The following ZNF451 variants were observed in gnomAD, a reference collection of about 807,000 sequenced individuals.
ZNF451 encodes the protein zinc finger protein 451.
ZNF451 carries 80 observed loss-of-function variants against 107.1 expected under a neutral mutation model. The observed-to-expected ratio is 0.75, with a 90% CI of 0.62 to 0.90. The LOEUF (loss-of-function observed/expected upper bound fraction) is 0.90, where lower values mean the gene tolerates loss of function less well. Among genes scored for constraint, ZNF451 ranks in the 40% least tolerant of loss-of-function variants. The pLI, the probability that ZNF451 is intolerant of heterozygous loss-of-function variation, is 0.00. For missense variants in ZNF451, 1,107 were observed against 1,236.2 expected (o/e 0.90, Z 1.57); for synonymous variants, 362 against 406.5 (o/e 0.89, Z 1.32).
chr6:57,103,083 C>T (rs1197465555), intron 3 of ZNF451: 16 of 985,280 alleles, frequency 1.6e-5, no homozygotes, highest in Non-Finnish European at 1.8e-5. Context: ...AAAAGATACG[C>T]ACATCAGTGC....
chr6:57,153,395 T>G (rs531081982), intron 12 of ZNF451, among the ~76,000 whole-genome samples: 2 of 151,910 alleles, frequency 1.3e-5, no homozygotes, highest in East Asian at 1.9e-4. Context: ...GAACGAGTTC[T>G]TTCTTTCTCT....
At chr6:57,110,305 A>C (rs1484625082) in intron 3 of ZNF451, among the ~76,000 whole-genome samples, 1 of 152,246 alleles carries the variant, frequency 6.6e-6, no homozygotes, top group Non-Finnish European at 1.5e-5. Context: ...GTTCCTACAT[A>C]TTCAAAGTGT....
rs1764020845 is a variant in ZNF451, at chr6:57,168,962, T to C, written c.*493T>C. 6.6e-6 allele frequency: 1 copy of C among 152,632 alleles called. No individual in the cohort carries two copies. Among genetic ancestry groups the C allele is most frequent in the Non-Finnish European group, 1.5e-5 (1 of 68,330 alleles). 9.5% of individuals were successfully genotyped at this position (152,632 alleles called of 1,614,324 possible). A position where few individuals can be genotyped will look rare whatever the true frequency, so the allele number is the denominator to read the frequency against. ...CCTTTGAGATCTTTGTTTATGTTTA[T>C]TAGAAGAGGGTAATGGAAACTGATC... On this transcript the variant is annotated 3_prime_UTR_variant, in exon 15 of 15. Transcript: ENST00000370706.
intron 3 of ZNF451, chr6:57,103,663 G>C (rs773546766): frequency 3.5e-5 from 34 of 985,212 alleles, no homozygotes; most frequent in Non-Finnish European, 3.9e-5. Flanking sequence ...TTTATTGACA[G>C]ACTTAATTCT....
intron 5 of ZNF451, among the ~76,000 whole-genome samples, chr6:57,132,436 C>T (rs1347269663): frequency 2.6e-5 from 4 of 152,122 alleles, no homozygotes; most frequent in Admixed American, 2.6e-4. Context: ...AGGAAAAGAT[C>T]TGGCTGGGCA....
chr6:57,100,458 A>G (rs1309659596), intron 3 of ZNF451: 2 of 985,972 alleles, frequency 2.0e-6, no homozygotes, highest in Non-Finnish European at 2.8e-6. Flanking sequence ...GCTGACCTTG[A>G]GTGGATTGTA....
rs551626977 is a variant in ZNF451 at position 57,132,064 on chromosome 6, G to T, written c.425-978G>T. On this transcript the variant is annotated intron_variant, in intron 5 of 14. Transcript: ENST00000370706. ...CAGGATAAAGGAGGATTAATTAAGA[G>T]AAAAAAATTGTGGACAAACTGTTTC... Among the ~76,000 whole-genome samples the T allele has an allele frequency of 2.0e-5, 3 of 152,126 alleles. No homozygotes were observed. In the South Asian group the frequency reaches 6.2e-4, roughly 32 times the overall value.
chr6:57,148,345 C>T lies in ZNF451; in HGVS notation c.2260C>T (p.Arg754Cys), dbSNP rs575508843. The change falls in exon 10 of 15, where the codon CGC (arginine) becomes TGC (cysteine). Residue 754 changes from arginine to cysteine, a missense_variant. This residue lies in a region of ZNF451 where 608 missense variants were observed against 649.2 expected (regional missense o/e 0.94). Transcript: ENST00000370706. ...GCTGGATAAAGGAAAACTGTGGTTT[C>T]GCTGCAGTTTATGTTCGGCAACAGC... is the stretch of plus-strand genomic sequence containing the variant. ...IMLDKGKLWFRCSLCSATAQN... is the reference protein window; with the variant it reads ...IMLDKGKLWFCCSLCSATAQN... 77 of 1,613,926 alleles carry T rather than the reference C, an allele frequency of 4.8e-5. 1 individual carries two copies. In the South Asian group the frequency reaches 5.7e-4, roughly 12 times the overall value.
intron 3 of ZNF451, chr6:57,106,282 A>C: frequency 1.4e-6 from 1 of 700,768 alleles, no homozygotes; most frequent in Non-Finnish European, 1.8e-6. Context: ...TTGTAGAAGT[A>C]GTTTAAAGAT....
At chr6:57,102,597 A>G (rs1358509333) in intron 3 of ZNF451, 1 of 986,542 alleles carries the variant, frequency 1.0e-6, no homozygotes, top group Non-Finnish European at 1.2e-6. Flanking sequence ...ACATCTGTTA[A>G]AATGTCTTTA....
intron 13 of ZNF451, among the ~76,000 whole-genome samples, chr6:57,157,444 G>T (rs886949213): frequency 2.0e-5 from 3 of 152,090 alleles, no homozygotes; most frequent in Admixed American, 6.6e-5. Flanking sequence ...CATTGTTTTA[G>T]CATGGTGGGG....
rs374553546 is a variant in ZNF451 at position 57,150,788 on chromosome 6, T to C, written c.2678T>C (p.Phe893Ser). 7 of 1,614,066 alleles carry C rather than the reference T, an allele frequency of 4.3e-6. No homozygotes were observed. In the East Asian group the frequency reaches 6.7e-5, roughly 15 times the overall value. ...ATGACTCATATAGTCTTTGTAGATTTTGATAACTGGTCAAACTTTTTTGGT... is the reference window on the plus strand; with the variant it reads ...ATGACTCATATAGTCTTTGTAGATTCTGATAACTGGTCAAACTTTTTTGGT... Reference protein sequence around the residue: ...RTMTHIVFVDFDNWSNFFGHL... With the variant: ...RTMTHIVFVDSDNWSNFFGHL... The change falls in exon 11 of 15, where the codon TTT (phenylalanine) becomes TCT (serine). Residue 893 changes from phenylalanine (F) to serine (S), a missense_variant. Phe to Ser is a radical substitution (Grantham distance 155). Coordinates refer to ENST00000370706, the MANE Select transcript of ZNF451 (RefSeq NM_001031623.3).
intron 11 of ZNF451, among the ~76,000 whole-genome samples, chr6:57,151,672 G>A (rs1212666546): frequency 6.6e-6 from 1 of 152,140 alleles, no homozygotes; most frequent in African/African-American, 2.4e-5. Flanking sequence ...CTGTTCTTAA[G>A]TGTTCAGCTT....
At chr6:57,135,317 A>G (rs1277924103) in intron 7 of ZNF451, among the ~76,000 whole-genome samples, 1 of 152,172 alleles carries the variant, frequency 6.6e-6, no homozygotes, top group African/African-American at 2.4e-5. Context: ...GTTAAATCTT[A>G]AGAGACATGA....
At chr6:57,100,098 T>C (rs1562588273) in intron 3 of ZNF451, among the ~76,000 whole-genome samples, 1 of 152,200 alleles carries the variant, frequency 6.6e-6, no homozygotes, top group Non-Finnish European at 1.5e-5. Context: ...AGTTTTGTTA[T>C]TCGTGGACAG....
chr6:57,106,757 G>A (rs1184988730), intron 3 of ZNF451: 1 of 984,718 alleles, frequency 1.0e-6, no homozygotes, highest in Non-Finnish European at 1.2e-6. Context: ...TGCATCTTAT[G>A]CATGTGATTC....
intron 7 of ZNF451, among the ~76,000 whole-genome samples, chr6:57,139,902 G>GT (rs1420627923): frequency 6.6e-6 from 1 of 152,092 alleles, no homozygotes; most frequent in Non-Finnish European, 1.5e-5. Flanking sequence ...AATTAGCCGG[G>GT]TGTATTGGTG....
chr6:57,109,086 T>A, intron 3 of ZNF451: 1 of 985,420 alleles, frequency 1.0e-6, no homozygotes, highest in South Asian at 4.7e-5. Context: ...ATGTCTTAGC[T>A]ATTAACTAAT....
chr6:57,147,120 T>C lies in ZNF451; in HGVS notation c.1035T>C (p.Ala345=), dbSNP rs373672090. The change falls in exon 10 of 15, where the codon GCT becomes GCC. Residue 345 remains alanine (A), a synonymous_variant. Transcript: ENST00000370706. The stretch of plus-strand genomic sequence containing the variant: ...ATTGTCGAAATGCTGGACCTGTAGC[T>C]GTAGCTGAGAAGAGCATTACCCAGG... ...RVHCRNAGPV[A]VAEKSITQVA... is the part of the protein sequence containing the mutation. 6.0e-5 allele frequency: 97 copies of C among 1,613,156 alleles called. 1 individual carries two copies. Among genetic ancestry groups the C allele is most frequent in the Admixed American group, 5.0e-4 (30 of 59,984 alleles).
Sources: allele counts gnomAD v4.1 joint callset (sites outside exome capture counted in the v4.1 genomes callset), GRCh38; gene constraint gnomAD v4.1.1; regional missense constraint gnomAD v4.1.1; transcripts MANE v1.5; gene names NCBI Gene and HGNC (gene_info 2026-07-23, HGNC 2026-07-21).